BBS9: variants seen among roughly 807,000 people sequenced by gnomAD.
The protein encoded by BBS9 is Bardet-Biedl syndrome 9, also known as protein PTHB1.
BBS9 carries 89 observed loss-of-function variants against 117.7 expected under a neutral mutation model. The observed-to-expected ratio is 0.76, with a 90% CI of 0.64 to 0.90. The LOEUF is 0.90. BBS9 is among the 40% of genes least tolerant of loss of function. The pLI, the probability that BBS9 is intolerant of heterozygous loss-of-function variation, is 0.00. For synonymous variants in BBS9, 379 were observed against 370.9 expected (o/e 1.02, Z -0.25); for missense variants, 982 against 1,042.2 (o/e 0.94, Z 0.80).
chr7:33,605,163 C>CT (rs774491792), intron 22 of BBS9, 32 bp from the exon 23 acceptor site: 1 of 1,594,698 alleles, frequency 6.3e-7, no homozygotes, highest in African/African-American at 1.3e-5. Context: ...GATCTTTTCT[C>CT]TCTCTTTCTC....
rs934039030 is a variant in BBS9 at position 33,441,289 on chromosome 7, A to C, written c.2115+53145A>C. ...ATGAGCTGTAGATGGCCAAAAAAAA[A>C]AAATAAAATAAAAGGGTGGGGAGAA... On this transcript the variant is annotated intron_variant, in intron 19 of 22. Coordinates refer to ENST00000242067, the MANE Select transcript of BBS9 (RefSeq NM_198428.3). Among the ~76,000 whole-genome samples, 3 of 147,118 alleles carry C rather than the reference A, an allele frequency of 2.0e-5. No individual in the cohort carries two copies. In the East Asian group the frequency reaches 1.1e-3, roughly 52 times the overall value.
At chr7:33,447,662 C>A (rs564588603) in intron 19 of BBS9, among the ~76,000 whole-genome samples, 1 of 152,088 alleles carries the variant, frequency 6.6e-6, no homozygotes, top group Non-Finnish European at 1.5e-5. Context: ...TTGATGCCTG[C>A]GGAATGATTA....
chr7:33,206,042 T>C (rs1239866470), intron 5 of BBS9, among the ~76,000 whole-genome samples: 1 of 152,220 alleles, frequency 6.6e-6, no homozygotes, highest in African/African-American at 2.4e-5. Flanking sequence ...ATTTTAATAA[T>C]TGTGATTTCA....
At chr7:33,491,656 G>A (rs966158677) in intron 19 of BBS9, among the ~76,000 whole-genome samples, 40 of 152,180 alleles carry the variant, frequency 2.6e-4, no homozygotes, top group African/African-American at 8.4e-4. Context: ...GAGCTTACAT[G>A]TATTAAGCAA....
chr7:33,505,319 T>C (rs901028292), intron 19 of BBS9, 144 bp from the exon 20 acceptor site: 2 of 853,096 alleles, frequency 2.3e-6, no homozygotes, highest in Admixed American at 1.7e-5. Context: ...ATGATAACTC[T>C]TTTATTACTT....
At chr7:33,310,493 A>T (rs1322211964) in intron 9 of BBS9, among the ~76,000 whole-genome samples, 1 of 152,216 alleles carries the variant, frequency 6.6e-6, no homozygotes, top group East Asian at 1.9e-4. Context: ...TAGGATGACA[A>T]TATAATATTC....
At chr7:33,417,235 A>G (rs1392384406) in intron 19 of BBS9, among the ~76,000 whole-genome samples, 1 of 152,188 alleles carries the variant, frequency 6.6e-6, no homozygotes, top group Non-Finnish European at 1.5e-5. Flanking sequence ...GTTCTATTTT[A>G]GTACATCATG....
At chr7:33,138,803 C>T (rs573723980) in intron 1 of BBS9, among the ~76,000 whole-genome samples, 6 of 150,658 alleles carry the variant, frequency 4.0e-5, no homozygotes, top group African/African-American at 4.8e-5. Context: ...TGCCCAGGCT[C>T]GTCTCAAACT....
At chr7:33,147,596 A>G (rs1367369089) in intron 2 of BBS9, among the ~76,000 whole-genome samples, 3 of 152,208 alleles carry the variant, frequency 2.0e-5, no homozygotes, top group Non-Finnish European at 4.4e-5. Flanking sequence ...TTGTTAAAGC[A>G]TGTGATGCCC....
intron 9 of BBS9, among the ~76,000 whole-genome samples, chr7:33,297,629 T>C (rs1805538757): frequency 1.3e-5 from 2 of 151,926 alleles, no homozygotes; most frequent in African/African-American, 4.8e-5. Context: ...TTTTGTGGAG[T>C]GGGCAACAAA....
intron 18 of BBS9, among the ~76,000 whole-genome samples, chr7:33,384,448 G>T (rs1825652737): frequency 6.6e-6 from 1 of 152,172 alleles, no homozygotes; most frequent in African/African-American, 2.4e-5. Flanking sequence ...ATGGTGACAT[G>T]TCTTCATCTT....
At chr7:33,391,531 T>C (rs1827076346) in intron 19 of BBS9, among the ~76,000 whole-genome samples, 1 of 152,218 alleles carries the variant, frequency 6.6e-6, no homozygotes. Context: ...TAGGTATTAT[T>C]ACTTATTTTC....
chr7:33,201,051 C>T (rs1036820024), intron 5 of BBS9, among the ~76,000 whole-genome samples: 2 of 152,118 alleles, frequency 1.3e-5, no homozygotes, highest in Non-Finnish European at 2.9e-5. Context: ...ATTGGGGACT[C>T]AAATAGCAGT....
intron 2 of BBS9, among the ~76,000 whole-genome samples, chr7:33,147,956 G>A (rs1320716007): frequency 6.6e-6 from 1 of 152,068 alleles, no homozygotes; most frequent in Non-Finnish European, 1.5e-5. Flanking sequence ...ATATTGTGGG[G>A]TGATTATTAT....
chr7:33,592,445 T>C (rs1862084939), intron 21 of BBS9, among the ~76,000 whole-genome samples: 1 of 152,138 alleles, frequency 6.6e-6, no homozygotes, highest in Non-Finnish European at 1.5e-5. Context: ...AATGGTTTAG[T>C]TTGCCACTCT....
chr7:33,322,060 T>C (rs1047789835), intron 9 of BBS9, among the ~76,000 whole-genome samples: 16 of 152,084 alleles, frequency 1.1e-4, no homozygotes, highest in Admixed American at 9.8e-4. Flanking sequence ...ACCAGCATCC[T>C]AGGGATATAT....
intron 5 of BBS9, among the ~76,000 whole-genome samples, chr7:33,214,370 A>G (rs1359212875): frequency 1.3e-5 from 2 of 152,178 alleles, no homozygotes; most frequent in African/African-American, 2.4e-5. Context: ...TCTGTGATTC[A>G]AGACTGTGTC....
intron 19 of BBS9, among the ~76,000 whole-genome samples, chr7:33,472,503 C>T (rs1029601311): frequency 5.3e-5 from 8 of 152,016 alleles, no homozygotes. Flanking sequence ...AGCTTGAAGC[C>T]GGGTGACTGC....
chr7:33,266,605 T>G (rs1275472726), intron 7 of BBS9, among the ~76,000 whole-genome samples: 1 of 152,214 alleles, frequency 6.6e-6, no homozygotes, highest in Non-Finnish European at 1.5e-5. Flanking sequence ...GATGATAGTG[T>G]TGTTCAACTC....
Sources: allele counts gnomAD v4.1 joint callset (sites outside exome capture counted in the v4.1 genomes callset), GRCh38; gene constraint gnomAD v4.1.1; transcripts MANE v1.5; gene names NCBI Gene and HGNC (gene_info 2026-07-23, HGNC 2026-07-21).